The following RPH3A variants were observed in gnomAD, a reference collection of about 807,000 sequenced individuals.
The protein encoded by RPH3A is rabphilin 3A, also known as rabphilin-3A.
A neutral mutation model predicts 102.2 loss-of-function variants in RPH3A; 48 were observed. The ratio of observed to expected loss-of-function variants is 0.47; its 90% confidence interval spans 0.37 to 0.60. The LOEUF is 0.60. RPH3A is among the 20% of genes least tolerant of loss of function. The pLI, the probability that RPH3A is intolerant of heterozygous loss-of-function variation, is 0.00. For synonymous variants in RPH3A, 310 were observed against 324.3 expected, an observed-to-expected ratio of 0.96 and a Z score of 0.47; for missense variants, 781 against 910.1, an observed-to-expected ratio of 0.86 and a Z score of 1.83.
chr12:112,870,608 C>T (rs1395011625), intron 10 of RPH3A, among the ~76,000 whole-genome samples: 4 of 152,132 alleles, frequency 2.6e-5, no homozygotes, highest in Non-Finnish European at 4.4e-5. Flanking sequence ...TGTTCCATGG[C>T]CCCTTGTCTG....
intron 1 of RPH3A, among the ~76,000 whole-genome samples, chr12:112,749,589 T>C (rs1360431194): frequency 1.3e-5 from 2 of 152,196 alleles, no homozygotes; most frequent in Non-Finnish European, 2.9e-5. Flanking sequence ...TACTGACACA[T>C]CTTTTCCTGA....
intron 4 of RPH3A, among the ~76,000 whole-genome samples, chr12:112,844,749 C>G (rs2042202287): frequency 1.3e-5 from 2 of 152,210 alleles, no homozygotes; most frequent in Non-Finnish European, 2.9e-5. Context: ...AACAAATCAT[C>G]TCAAAAAAGT....
intron 2 of RPH3A, among the ~76,000 whole-genome samples, chr12:112,818,927 T>C (rs1175426767): frequency 6.6e-6 from 1 of 151,860 alleles, no homozygotes; most frequent in African/African-American, 2.4e-5. Flanking sequence ...ACTAACAGTG[T>C]CCTCCCTGAC....
chr12:112,669,430 A>G (rs2040111960), intron 1 of RPH3A, among the ~76,000 whole-genome samples: 1 of 152,238 alleles, frequency 6.6e-6, no homozygotes, highest in African/African-American at 2.4e-5. Context: ...AAAAAGCCTG[A>G]TCAATACACT....
At chr12:112,628,713 G>C (rs2039783595) in intron 1 of RPH3A, among the ~76,000 whole-genome samples, 1 of 151,228 alleles carries the variant, frequency 6.6e-6, no homozygotes, top group African/African-American at 2.4e-5. Context: ...ATCATGCAAA[G>C]GTGACAGAGT....
chr12:112,601,525 C>T (rs896299820), intron 1 of RPH3A, among the ~76,000 whole-genome samples: 1 of 151,922 alleles, frequency 6.6e-6, no homozygotes, highest in African/African-American at 2.4e-5. Context: ...AAAAAACGTG[C>T]CAAGAAAATA....
At chr12:112,841,900 C>G (rs1291955062) in intron 4 of RPH3A, 3 of 455,810 alleles carry the variant, frequency 6.6e-6, no homozygotes, top group Non-Finnish European at 8.8e-6. Context: ...CCTTCTCTCT[C>G]TCTCTGTCCG....
intron 3 of RPH3A, among the ~76,000 whole-genome samples, chr12:112,829,265 G>T (rs1198522127): frequency 7.0e-6 from 1 of 143,386 alleles, no homozygotes; most frequent in Non-Finnish European, 1.5e-5. Context: ...CAAAGAGAAA[G>T]GCTTTTTTTT....
chr12:112,857,591 C>A (rs1191667859), intron 5 of RPH3A, among the ~76,000 whole-genome samples: 1 of 152,144 alleles, frequency 6.6e-6, no homozygotes, highest in Non-Finnish European at 1.5e-5. Flanking sequence ...GGAACAGATT[C>A]TCTCCTAGAG....
At chr12:112,649,843 G>A (rs557678305) in intron 1 of RPH3A, among the ~76,000 whole-genome samples, 5 of 152,182 alleles carry the variant, frequency 3.3e-5, no homozygotes, top group African/African-American at 1.2e-4. Flanking sequence ...GCTTGCAGAC[G>A]GCTGCCTTCT....
chr12:112,888,070 C>T (rs1294205252), intron 17 of RPH3A, 147 bp downstream of exon 17: 2 of 824,058 alleles, frequency 2.4e-6, no homozygotes, highest in Non-Finnish European at 3.8e-6. Context: ...GTCAAGATTC[C>T]AGCTCACAAC....
At chr12:112,894,759 T>A (rs952131418) in intron 20 of RPH3A, 100 bp downstream of exon 20, 22 of 899,054 alleles carry the variant, frequency 2.4e-5, no homozygotes, top group Middle Eastern at 6.1e-4. Flanking sequence ...CACATAGCCA[T>A]TAAATGCAGC....
intron 1 of RPH3A, among the ~76,000 whole-genome samples, chr12:112,607,948 C>T (rs1185690630): frequency 3.3e-5 from 5 of 152,122 alleles, no homozygotes; most frequent in Non-Finnish European, 7.4e-5. Context: ...CCTCTGGCAT[C>T]GAATACAGAC....
chr12:112,756,497 C>A (rs539353267), intron 1 of RPH3A, among the ~76,000 whole-genome samples: 13 of 152,182 alleles, frequency 8.5e-5, no homozygotes, highest in Middle Eastern at 3.2e-3. Context: ...CAGGCATGAG[C>A]CCACACTTTT....
At position 112,590,590 on chromosome 12, in the gene RPH3A, A is replaced by G. The variant is rs185920044; in HGVS notation, c.-140+15271A>G. Among the ~76,000 whole-genome samples, 11 of 152,330 alleles carry G rather than the reference A, an allele frequency of 7.2e-5. No individual in the cohort carries two copies. The East Asian group carries it at 2.1e-3, about 29-fold the overall frequency. On this transcript the variant is annotated intron_variant, in intron 1 of 21. Transcript: ENST00000543106. ...AGATTTGGCTCAGGCTCAGGGCTGCATTGTTTTAGAGATGAAACAGAGCAC... is the reference window on the plus strand; with the variant it reads ...AGATTTGGCTCAGGCTCAGGGCTGCGTTGTTTTAGAGATGAAACAGAGCAC...
chr12:112,756,924 C>T (rs7315854), intron 1 of RPH3A, among the ~76,000 whole-genome samples: 15,411 of 152,210 alleles, frequency 0.1, 800 homozygotes, highest in Middle Eastern at 0.13. Context: ...CAATTTTTGC[C>T]CACCTGATGG....
chr12:112,814,933 C>T (rs1291996841), intron 2 of RPH3A, among the ~76,000 whole-genome samples: 1 of 152,202 alleles, frequency 6.6e-6, no homozygotes, highest in Non-Finnish European at 1.5e-5. Context: ...AGTGTGGCGC[C>T]ATCATTTATT....
intron 1 of RPH3A, among the ~76,000 whole-genome samples, chr12:112,676,968 T>A (rs2040179727): frequency 6.6e-6 from 1 of 152,196 alleles, no homozygotes; most frequent in African/African-American, 2.4e-5. Flanking sequence ...AGCCTGTATT[T>A]TTTGGATTTC....
rs780637640 is a variant in RPH3A, at chr12:112,895,815, G to A, written c.1896G>A (p.Lys632=). 2 of 1,613,902 alleles carry A rather than the reference G, an allele frequency of 1.2e-6. No individual in the cohort carries two copies. Among genetic ancestry groups the A allele is most frequent in the African/African-American group, 2.7e-5 (2 of 74,932 alleles). Residue 632 remains lysine (K), a synonymous_variant, in exon 21 of 22, where the codon AAG becomes AAA. Coordinates refer to ENST00000389385, the MANE Select transcript of RPH3A (RefSeq NM_001143854.2). ...FYDIKHSDLA[K]KSLDISVWDY... ...ACATCAAACACAGTGACCTGGCAAA[G>A]AAGTCACTGGACATTTCAGTCTGGG...
Sources: allele counts gnomAD v4.1 joint callset (sites outside exome capture counted in the v4.1 genomes callset), GRCh38; gene constraint gnomAD v4.1.1; transcripts MANE v1.5; gene names NCBI Gene and HGNC (gene_info 2026-07-23, HGNC 2026-07-21).